The following TNFSF4 variants were observed in gnomAD, a reference collection of about 807,000 sequenced individuals.
TNFSF4 encodes tumor necrosis factor ligand superfamily member 4.
A neutral mutation model predicts 7.3 loss-of-function variants in TNFSF4; 4 were observed. The ratio of observed to expected loss-of-function variants is 0.55; its 90% CI spans 0.27 to 1.25. TNFSF4 has a LOEUF of 1.25. Among genes scored for constraint, TNFSF4 ranks in the 50% most tolerant of loss-of-function variants. The pLI, the probability that TNFSF4 is intolerant of heterozygous loss-of-function variation, is 0.12. For missense variants in TNFSF4, 181 were observed against 208.8 expected (o/e 0.87, Z 0.82); for synonymous variants, 76 against 83.7 (o/e 0.91, Z 0.50).
chr1:173,447,985 T>C, the TNFSF4 span, among the ~76,000 whole-genome samples: 8 of 152,312 alleles, frequency 5.3e-5, no homozygotes, highest in African/African-American at 1.9e-4. Flanking sequence ...GTGGCTATAT[T>C]AATATCAAAG....
chr1:173,188,513 A>G lies in TNFSF4; in HGVS notation c.202+8T>C. On this transcript the variant is annotated splice_region_variant and intron_variant, in intron 2 of 2. Coordinates refer to ENST00000281834, the MANE Select transcript of TNFSF4 (RefSeq NM_003326.5). ...ATATGAATCAATTAAACTTTTGACA[A>G]TACTTACCGGTAAATTGTACTTTGA... The G allele has an allele frequency of 6.2e-7, 1 of 1,604,796 alleles. No homozygotes were observed. The highest frequency in any genetic ancestry group is 1.7e-5 in the Admixed American group (1 of 59,878).
the TNFSF4 span, among the ~76,000 whole-genome samples, chr1:173,227,963 T>A: frequency 2.6e-5 from 4 of 152,334 alleles, no homozygotes; most frequent in East Asian, 7.7e-4. Flanking sequence ...TGGAGACCAC[T>A]GCAGCTCAAG....
At chr1:173,441,500 T>C in the TNFSF4 span, among the ~76,000 whole-genome samples, 1 of 152,130 alleles carries the variant, frequency 6.6e-6, no homozygotes, top group Admixed American at 6.5e-5. Context: ...GGTGTGCACC[T>C]GTAGTCCCAG....
At chr1:173,272,803 T>C in the TNFSF4 span, among the ~76,000 whole-genome samples, 1 of 152,140 alleles carries the variant, frequency 6.6e-6, no homozygotes, top group African/African-American at 2.4e-5. Flanking sequence ...TTGATCGGGC[T>C]TTGTCTTCAG....
the TNFSF4 span, among the ~76,000 whole-genome samples, chr1:173,334,211 G>C: frequency 6.6e-6 from 1 of 152,090 alleles, no homozygotes; most frequent in Non-Finnish European, 1.5e-5. Flanking sequence ...AAAGATGCTA[G>C]TGTCTATTTT....
the TNFSF4 span, chr1:173,351,806 T>A: frequency 1.7e-6 from 1 of 605,258 alleles, no homozygotes; most frequent in East Asian, 3.4e-5. Context: ...GGAAGAAATA[T>A]GTCATCTACA....
the TNFSF4 span, among the ~76,000 whole-genome samples, chr1:173,311,024 T>C: frequency 6.6e-6 from 1 of 151,980 alleles, no homozygotes; most frequent in Non-Finnish European, 1.5e-5. Flanking sequence ...TATTTTATAT[T>C]ATCTCATGTA....
the TNFSF4 span, among the ~76,000 whole-genome samples, chr1:173,387,953 T>C: frequency 6.6e-6 from 1 of 152,256 alleles, no homozygotes; most frequent in Admixed American, 6.5e-5. Context: ...TGATGTGCTC[T>C]AGAGTTGGAC....
the TNFSF4 span, among the ~76,000 whole-genome samples, chr1:173,332,899 CA>C: frequency 6.6e-6 from 1 of 152,136 alleles, no homozygotes; most frequent in African/African-American, 2.4e-5. Flanking sequence ...ACCTGCTTTC[CA>C]TTGAGGAGGA....
the TNFSF4 span, among the ~76,000 whole-genome samples, chr1:173,447,877 C>T: frequency 1.3e-5 from 2 of 152,052 alleles, no homozygotes; most frequent in South Asian, 4.2e-4. Context: ...TAACTATCTA[C>T]AAGAAACCTA....
At chr1:173,383,973 A>T in the TNFSF4 span, among the ~76,000 whole-genome samples, 1 of 152,248 alleles carries the variant, frequency 6.6e-6, no homozygotes, top group African/African-American at 2.4e-5. Context: ...TTATGTTGTT[A>T]TCGTCATCAT....
At chr1:173,381,524 C>T in the TNFSF4 span, among the ~76,000 whole-genome samples, 1 of 152,294 alleles carries the variant, frequency 6.6e-6, no homozygotes, top group East Asian at 1.9e-4. Context: ...GGATCAAGGC[C>T]ACCAAGCTAC....
the TNFSF4 span, among the ~76,000 whole-genome samples, chr1:173,273,459 A>AT: frequency 6.6e-6 from 1 of 152,064 alleles, no homozygotes; most frequent in African/African-American, 2.4e-5. Context: ...TATATTCTAC[A>AT]TTTTCTATGA....
chr1:173,277,326 C>T, the TNFSF4 span, among the ~76,000 whole-genome samples: 929 of 152,240 alleles, frequency 6.1e-3, 8 homozygotes, highest in Non-Finnish European at 8.1e-3. Flanking sequence ...GACCTAAATA[C>T]AGCATTGAGG....
the TNFSF4 span, among the ~76,000 whole-genome samples, chr1:173,431,260 T>C: frequency 6.6e-6 from 1 of 152,230 alleles, no homozygotes; most frequent in East Asian, 1.9e-4. Flanking sequence ...TCGGTTTCCT[T>C]AAATAATAAT....
At chr1:173,300,661 AC>A in the TNFSF4 span, among the ~76,000 whole-genome samples, 1 of 150,872 alleles carries the variant, frequency 6.6e-6, no homozygotes, top group Non-Finnish European at 1.5e-5. Flanking sequence ...GGAGTGCTCC[AC>A]CCCCACCCCA....
the TNFSF4 span, among the ~76,000 whole-genome samples, chr1:173,448,412 C>T: frequency 3.3e-5 from 5 of 152,190 alleles, no homozygotes; most frequent in East Asian, 7.7e-4. Flanking sequence ...TACAAAGAAT[C>T]TTTTTCATGC....
chr1:173,388,787 A>C, the TNFSF4 span, among the ~76,000 whole-genome samples: 5 of 152,312 alleles, frequency 3.3e-5, no homozygotes, highest in East Asian at 9.6e-4. Context: ...GTAAATACAT[A>C]TTTTTCAGAT....
At chr1:173,391,860 T>C in the TNFSF4 span, among the ~76,000 whole-genome samples, 1 of 152,178 alleles carries the variant, frequency 6.6e-6, no homozygotes, top group Non-Finnish European at 1.5e-5. Context: ...TTTAGGGTGA[T>C]TTTTATTATA....
Sources: allele counts gnomAD v4.1 joint callset (sites outside exome capture counted in the v4.1 genomes callset), GRCh38; gene constraint gnomAD v4.1.1; transcripts MANE v1.5; gene names NCBI Gene and HGNC (gene_info 2026-07-23, HGNC 2026-07-21).